LMNB1: variants seen among roughly 807,000 people sequenced by gnomAD.
The protein encoded by LMNB1 is lamin B1, also known as lamin-B1.
Under a neutral mutation model 67.1 loss-of-function variants are expected in LMNB1, and 23 were observed. The ratio of observed to expected loss-of-function variants is 0.34; its 90% CI spans 0.25 to 0.49. The LOEUF (loss-of-function observed/expected upper bound fraction) is 0.49. LMNB1 is among the 20% of genes least tolerant of loss of function. LMNB1 has a pLI of 0.99. For missense variants in LMNB1, 634 were observed against 746.5 expected, an observed-to-expected ratio of 0.85 and a Z score of 1.76; for synonymous variants, 281 against 282.9, an observed-to-expected ratio of 0.99 and a Z score of 0.07.
At chr5:126,820,568 C>T (rs1198304678) in intron 6 of LMNB1, among the ~76,000 whole-genome samples, 1 of 152,268 alleles carries the variant, frequency 6.6e-6, no homozygotes, top group East Asian at 1.9e-4. Context: ...CTCTGTCACC[C>T]AGGCTAGAGT....
chr5:126,824,828 T>C (rs1751955039), intron 8 of LMNB1, among the ~76,000 whole-genome samples: 1 of 151,240 alleles, frequency 6.6e-6, no homozygotes, highest in Non-Finnish European at 1.5e-5. Flanking sequence ...GATTTTTTTT[T>C]TCCTGTTTCC....
rs1411045642 is a variant in LMNB1 at position 126,804,893 on chromosome 5, A to G, written c.477A>G (p.Leu159=). ...LATALGDKKS[L]EGDLEDLKDQ... ...CTGCACTTGGTGACAAAAAAAGTTT[A>G]GAGGGAGATTTGGAGGATCTGAAGG... Residue 159 remains leucine, a synonymous_variant, in exon 2 of 11, where the codon TTA becomes TTG. Transcript: ENST00000261366. The G allele has an allele frequency of 6.2e-7, 1 of 1,614,204 alleles. No individual in the cohort carries two copies. Among genetic ancestry groups the G allele is most frequent in the East Asian group, 2.2e-5 (1 of 44,882 alleles).
chr5:126,798,782 T>TGTGTGC (rs927792414), intron 1 of LMNB1, among the ~76,000 whole-genome samples: 3 of 151,828 alleles, frequency 2.0e-5, no homozygotes, highest in African/African-American at 7.3e-5. Flanking sequence ...TGTGTGTGTG[T>TGTGTGC]GTGCGTGTGC....
chr5:126,819,038 A>G lies in LMNB1; in HGVS notation c.1056A>G (p.Gln352=). Residue 352 remains glutamine, a synonymous_variant, in exon 6 of 11, where the codon CAA becomes CAG. Transcript: ENST00000261366. ...KEREMAEIRD[Q]MQQQLNDYEQ... ...GAGAGATGGCGGAAATAAGGGATCA[A>G]ATGCAGCAACAGCTGAATGACTATG... 1.9e-6 allele frequency: 3 copies of G among 1,614,072 alleles called. No homozygotes were observed. The highest frequency in any genetic ancestry group is 1.7e-5 in the Admixed American group (1 of 60,000).
At chr5:126,817,882 C>G (rs891852932) in intron 5 of LMNB1, among the ~76,000 whole-genome samples, 1 of 152,146 alleles carries the variant, frequency 6.6e-6, no homozygotes, top group East Asian at 1.9e-4. Context: ...TGAGTTGTCA[C>G]TTTCTGAGGC....
At chr5:126,789,450 G>A (rs1419657310) in intron 1 of LMNB1, among the ~76,000 whole-genome samples, 1 of 152,108 alleles carries the variant, frequency 6.6e-6, no homozygotes, top group African/African-American at 2.4e-5. Context: ...TAATTATGCA[G>A]TGACAGCTCG....
intron 1 of LMNB1, among the ~76,000 whole-genome samples, chr5:126,800,977 A>AATTTTTTTT (rs1481273764): frequency 1.3e-4 from 5 of 38,268 alleles, no homozygotes; most frequent in Non-Finnish European, 2.8e-4. Flanking sequence ...ATATATATAT[A>AATTTTTTTT]TATAATTTTT....
chr5:126,784,503 G>C (rs1421147939), intron 1 of LMNB1, among the ~76,000 whole-genome samples: 2 of 150,754 alleles, frequency 1.3e-5, no homozygotes, highest in African/African-American at 4.9e-5. Flanking sequence ...TTACAGGCAC[G>C]TGCCACCACG....
chr5:126,806,961 T>C (rs1314433604), intron 3 of LMNB1, among the ~76,000 whole-genome samples: 2 of 152,084 alleles, frequency 1.3e-5, no homozygotes, highest in Admixed American at 6.6e-5. Context: ...GTATTTTTAA[T>C]AGAGACGAGG....
chr5:126,835,988 G>A (rs993226775), intron 10 of LMNB1, among the ~76,000 whole-genome samples: 3 of 152,180 alleles, frequency 2.0e-5, no homozygotes, highest in Non-Finnish European at 4.4e-5. Context: ...AGAGGTTGCA[G>A]TGAGCCAAGA....
chr5:126,810,154 C>T (rs747277077), intron 3 of LMNB1, 26 bp from the exon 4 acceptor site: 1 of 1,597,642 alleles, frequency 6.3e-7, no homozygotes, highest in Non-Finnish European at 8.6e-7. Flanking sequence ...AGTAGCTTGG[C>T]TTTATGCTTT....
chr5:126,786,711 T>G (rs1322771622), intron 1 of LMNB1, among the ~76,000 whole-genome samples: 1 of 152,200 alleles, frequency 6.6e-6, no homozygotes, highest in Non-Finnish European at 1.5e-5. Context: ...TTCAGATCCC[T>G]TTGGGTGCTA....
At chr5:126,814,234 C>A (rs561008943) in intron 5 of LMNB1, among the ~76,000 whole-genome samples, 1 of 152,184 alleles carries the variant, frequency 6.6e-6, no homozygotes, top group Non-Finnish European at 1.5e-5. Context: ...CAAAAATGGG[C>A]CTCTCTGTTC....
At chr5:126,782,097 T>G (rs1384755652) in intron 1 of LMNB1, among the ~76,000 whole-genome samples, 1 of 152,230 alleles carries the variant, frequency 6.6e-6, no homozygotes, top group Non-Finnish European at 1.5e-5. Context: ...AAACAAAAAG[T>G]ACAGAGAAAT....
At position 126,777,529 on chromosome 5, in the gene LMNB1, G is replaced by A; in HGVS notation, c.21G>A (p.Val7=). The change falls in exon 1 of 11, where the codon GTG becomes GTA. Residue 7 remains valine (V), a synonymous_variant. Coordinates refer to ENST00000261366, the MANE Select transcript of LMNB1 (RefSeq NM_005573.4). Reference sequence around the variant, plus strand: ...CCGCCATGGCGACTGCGACCCCCGTGCCGCCGCGGATGGGCAGCCGCGCTG... The same window carrying A: ...CCGCCATGGCGACTGCGACCCCCGTACCGCCGCGGATGGGCAGCCGCGCTG... MATATP[V]PPRMGSRAGG... The A allele has an allele frequency of 7.2e-7, 1 of 1,393,882 alleles. No homozygotes were observed. The highest frequency in any genetic ancestry group is 9.3e-7 in the Non-Finnish European group (1 of 1,072,784). 86.3% of individuals were successfully genotyped at this position (1,393,882 alleles called of 1,614,324 possible).
At chr5:126,819,178 A>G (rs748989662) in intron 6 of LMNB1, 36 bp downstream of exon 6, 8 of 1,409,148 alleles carry the variant, frequency 5.7e-6, no homozygotes, top group Admixed American at 2.0e-5. Flanking sequence ...CTTATGGTCC[A>G]CTTTTTGCCT....
At chr5:126,817,965 A>G (rs919810277) in intron 5 of LMNB1, among the ~76,000 whole-genome samples, 1 of 152,212 alleles carries the variant, frequency 6.6e-6, no homozygotes, top group African/African-American at 2.4e-5. Flanking sequence ...TTCTAAGATG[A>G]ACTTTCTGGT....
At chr5:126,798,041 G>A (rs1392065629) in intron 1 of LMNB1, among the ~76,000 whole-genome samples, 1 of 152,090 alleles carries the variant, frequency 6.6e-6, no homozygotes, top group African/African-American at 2.4e-5. Flanking sequence ...AGCCATGATC[G>A]TGGAGGATTG....
intron 8 of LMNB1, 32 bp from the exon 9 acceptor site, chr5:126,825,956 T>C: frequency 4.3e-6 from 7 of 1,612,650 alleles, no homozygotes; most frequent in Non-Finnish European, 5.9e-6. Flanking sequence ...AACTGGGTTC[T>C]GGGTGTACTG....
Sources: gnomAD v4.1 joint callset for allele counts (sites outside exome capture counted in the v4.1 genomes callset) on GRCh38, gnomAD v4.1.1 for gene constraint, MANE v1.5 for transcripts, NCBI Gene and HGNC (gene_info 2026-07-23, HGNC 2026-07-21) for gene names.